The following GSTCD variants were observed in gnomAD, a reference collection of about 807,000 sequenced individuals.
The protein encoded by GSTCD is glutathione S-transferase C-terminal domain containing.
A neutral mutation model predicts 68.3 loss-of-function variants in GSTCD; 44 were observed. The ratio of observed to expected loss-of-function variants is 0.64; its 90% CI spans 0.51 to 0.83. GSTCD has a LOEUF of 0.83. Among genes scored for constraint, GSTCD ranks in the 40% least tolerant of loss-of-function variants. The probability of loss-of-function intolerance (pLI) is 0.00; values close to 1 mark genes in which losing one functional copy is unlikely to be tolerated. For missense variants in GSTCD, 739 were observed against 735.9 expected, an observed-to-expected ratio of 1.00 and a Z score of -0.05; for synonymous variants, 273 against 255.2, an observed-to-expected ratio of 1.07 and a Z score of -0.67.
chr4:105,729,180 A>T (rs1373185709), intron 4 of GSTCD, among the ~76,000 whole-genome samples: 2 of 152,100 alleles, frequency 1.3e-5, no homozygotes, highest in African/African-American at 4.8e-5. Flanking sequence ...AAATAGCATT[A>T]CTTTTTATTA....
intron 5 of GSTCD, among the ~76,000 whole-genome samples, chr4:105,747,128 A>G (rs1224009910): frequency 6.6e-6 from 1 of 152,254 alleles, no homozygotes; most frequent in Non-Finnish European, 1.5e-5. Flanking sequence ...ATATGTAGGC[A>G]CATTATTTAT....
At chr4:105,822,234 G>A (rs1723336143) in intron 5 of GSTCD, among the ~76,000 whole-genome samples, 1 of 151,890 alleles carries the variant, frequency 6.6e-6, no homozygotes, top group Non-Finnish European at 1.5e-5. Flanking sequence ...TTTATGTTGT[G>A]GGGCCCCAGG....
At chr4:105,710,268 T>G (rs1055910876) in intron 1 of GSTCD, among the ~76,000 whole-genome samples, 2 of 116,752 alleles carry the variant, frequency 1.7e-5, no homozygotes, top group African/African-American at 7.1e-5. Flanking sequence ...GCTGGAGTCC[T>G]GCTCTGTCGC....
intron 5 of GSTCD, among the ~76,000 whole-genome samples, chr4:105,788,490 T>C (rs1394155666): frequency 2.0e-5 from 3 of 152,270 alleles, no homozygotes; most frequent in African/African-American, 7.2e-5. Flanking sequence ...CTTTGTTTCC[T>C]ACTTAACCCA....
intron 5 of GSTCD, among the ~76,000 whole-genome samples, chr4:105,764,104 A>G (rs939572329): frequency 2.6e-5 from 4 of 152,182 alleles, no homozygotes; most frequent in South Asian, 2.1e-4. Flanking sequence ...AGTCACATCA[A>G]AAGTTTAACA....
chr4:105,825,798 G>A lies in GSTCD; in HGVS notation c.1528G>A (p.Gly510Arg). The change falls in exon 8 of 12, where the codon GGA (glycine) becomes AGA (arginine). Residue 510 changes from glycine to arginine, a missense_variant and splice_region_variant. Physicochemically the swap from Gly to Arg is moderately radical, Grantham distance 125 (BLOSUM62 -2). Coordinates refer to ENST00000515279, the MANE Select transcript of GSTCD (RefSeq NM_001370181.1). ...ATATTTTACTGGGATGTTTAATATT[G>A]GAGTAAGTAATCAAGTAATTTCAAT... ...MEYFTGMFNI[G>R]VALHACGVAT... 6.6e-7 allele frequency: 1 copy of A among 1,521,098 alleles called. No individual in the cohort carries two copies. The highest frequency in any genetic ancestry group is 9.1e-7 in the Non-Finnish European group (1 of 1,101,836). 94.2% of individuals were successfully genotyped at this position (1,521,098 alleles called of 1,614,324 possible).
At chr4:105,739,742 C>T (rs1733570389) in intron 5 of GSTCD, among the ~76,000 whole-genome samples, 1 of 152,150 alleles carries the variant, frequency 6.6e-6, no homozygotes, top group African/African-American at 2.4e-5. Flanking sequence ...TCCAGAGAGG[C>T]ATGGTGTAGC....
chr4:105,735,422 G>C (rs921606119), intron 5 of GSTCD, among the ~76,000 whole-genome samples: 2 of 152,190 alleles, frequency 1.3e-5, no homozygotes, highest in African/African-American at 4.8e-5. Flanking sequence ...TTCTATCTCA[G>C]ACTGCTGTGC....
At chr4:105,794,712 A>G (rs1735803167) in intron 5 of GSTCD, among the ~76,000 whole-genome samples, 1 of 151,906 alleles carries the variant, frequency 6.6e-6, no homozygotes, top group South Asian at 2.1e-4. Context: ...CCAAGAAAGT[A>G]TATTCATATA....
chr4:105,841,047 ACC>A (rs1724312420), intron 10 of GSTCD, among the ~76,000 whole-genome samples: 1 of 152,100 alleles, frequency 6.6e-6, no homozygotes, highest in South Asian at 2.1e-4. Context: ...CAGGCACGGT[ACC>A]TCATGCCTGT....
chr4:105,835,529 A>T (rs1213677672), intron 9 of GSTCD, among the ~76,000 whole-genome samples: 1 of 152,046 alleles, frequency 6.6e-6, no homozygotes. Flanking sequence ...TGGCAACCAG[A>T]AGCTTGGAAA....
At chr4:105,816,000 A>T (rs1471556345) in intron 5 of GSTCD, among the ~76,000 whole-genome samples, 4 of 150,838 alleles carry the variant, frequency 2.7e-5, no homozygotes, top group Non-Finnish European at 4.4e-5. Flanking sequence ...CGGAAATTAA[A>T]TTTTTTTTTT....
At chr4:105,828,036 G>A (rs573025099) in intron 8 of GSTCD, among the ~76,000 whole-genome samples, 2 of 152,152 alleles carry the variant, frequency 1.3e-5, no homozygotes, top group South Asian at 2.1e-4. Flanking sequence ...CCGTATCAAG[G>A]CTAAACAGCC....
Position 105,762,183 on chromosome 4 carries a change from GTC to G in GSTCD, c.1240+32685_1240+32686del, listed in dbSNP as rs1257857654. ...CTAATAAATGATTCAGATTGGGGCT[GTC>G]AGCCGTATGGTGGGCACCCTAACTG... On this transcript the variant is annotated intron_variant, in intron 5 of 11. Transcript: ENST00000515279. Among the ~76,000 whole-genome samples the G allele has an allele frequency of 1.1e-3, 160 of 152,306 alleles. 1 individual carries two copies. The highest frequency in any genetic ancestry group is 3.8e-3 in the African/African-American group (156 of 41,572).
intron 8 of GSTCD, among the ~76,000 whole-genome samples, chr4:105,826,643 TA>T (rs778197753): frequency 9.2e-5 from 14 of 152,264 alleles, no homozygotes; most frequent in Middle Eastern, 3.4e-3. Context: ...CCATACTACA[TA>T]GATCCTGCAT....
At chr4:105,743,285 T>G (rs1553959143) in intron 5 of GSTCD, among the ~76,000 whole-genome samples, 1 of 152,108 alleles carries the variant, frequency 6.6e-6, no homozygotes, top group Non-Finnish European at 1.5e-5. Context: ...GTACTTGTAT[T>G]ATGCTTCTGA....
At chr4:105,843,364 G>C (rs1724431246) in intron 11 of GSTCD, 1 of 152,198 alleles carries the variant, frequency 6.6e-6, no homozygotes, top group Admixed American at 6.6e-5. Context: ...CCAACACTTT[G>C]AATTAATCAA....
intron 10 of GSTCD, chr4:105,840,212 C>T (rs1724283127): frequency 2.2e-6 from 1 of 455,850 alleles, no homozygotes; most frequent in African/African-American, 2.0e-5. Flanking sequence ...ATTGCCTTGA[C>T]ATTACCATTA....
intron 10 of GSTCD, among the ~76,000 whole-genome samples, chr4:105,839,236 T>C (rs1724240711): frequency 6.6e-6 from 1 of 152,168 alleles, no homozygotes; most frequent in African/African-American, 2.4e-5. Context: ...TTTAGGAAAC[T>C]GTATGATTTT....
Sources: allele counts gnomAD v4.1 joint callset (sites outside exome capture counted in the v4.1 genomes callset), GRCh38; gene constraint gnomAD v4.1.1; transcripts MANE v1.5; gene names NCBI Gene and HGNC (gene_info 2026-07-23, HGNC 2026-07-21).